The following PRKAG2 variants were observed in gnomAD, a reference collection of about 807,000 sequenced individuals.
The protein encoded by PRKAG2 is 5'-AMP-activated protein kinase subunit gamma-2.
PRKAG2 carries 26 observed loss-of-function variants against 69.6 expected under a neutral mutation model. That is an observed-to-expected ratio of 0.37 (90% CI 0.27 to 0.52). The LOEUF is 0.52. Ranked by LOEUF, PRKAG2 falls within the 20% of genes least tolerant of loss-of-function variation. The probability of loss-of-function intolerance (pLI) is 0.90; values close to 1 mark genes in which losing one functional copy is unlikely to be tolerated. For missense variants in PRKAG2, 557 were observed against 740.0 expected, an observed-to-expected ratio of 0.75 and a Z score of 2.87; for synonymous variants, 293 against 285.0, an observed-to-expected ratio of 1.03 and a Z score of -0.28.
At chr7:151,862,895 G>A (rs2079968490) in intron 1 of PRKAG2, among the ~76,000 whole-genome samples, 1 of 151,482 alleles carries the variant, frequency 6.6e-6, no homozygotes, top group South Asian at 2.1e-4. Context: ...GGTGCAGGGA[G>A]CACTGGTAGA....
At chr7:151,648,217 T>A (rs901415983) in intron 4 of PRKAG2, among the ~76,000 whole-genome samples, 1 of 152,180 alleles carries the variant, frequency 6.6e-6, no homozygotes, top group African/African-American at 2.4e-5. Flanking sequence ...CATTCTATCA[T>A]ATCCCCATAC....
At chr7:151,726,371 G>GACACACACACACACACACAC (rs60238080) in intron 3 of PRKAG2, among the ~76,000 whole-genome samples, 2 of 148,284 alleles carry the variant, frequency 1.3e-5, no homozygotes, top group African/African-American at 5.0e-5. Flanking sequence ...AGGGAGGCAG[G>GACACACACACACACACACAC]ACACACACAC....
chr7:151,814,933 A>G lies in PRKAG2; in HGVS notation c.115-28392T>C, dbSNP rs1052502595. On this transcript the variant is annotated intron_variant, in intron 1 of 15. Transcript: ENST00000287878. This position sits in a 1 kb window ranked among gnomAD's most constrained non-coding sequence, Gnocchi z 4.8. ...GACCGGAGCTTTTAAAAAGACAGGC[A>G]GCAGGATGGAGGGAGGCAGGAGCAG... 2 of 1,167,896 alleles carry G rather than the reference A, an allele frequency of 1.7e-6. No individual in the cohort carries two copies. Among genetic ancestry groups the G allele is most frequent in the African/African-American group, 3.2e-5 (2 of 63,134 alleles). The allele number at this position is 1,167,896 out of a possible 1,614,324, so 72.3% of individuals were successfully genotyped here.
At chr7:151,648,236 C>T (rs1456115690) in intron 4 of PRKAG2, among the ~76,000 whole-genome samples, 1 of 152,156 alleles carries the variant, frequency 6.6e-6, no homozygotes, top group Non-Finnish European at 1.5e-5. Context: ...ACAACCTACA[C>T]AGTTATTTAA....
chr7:151,616,121 T>C (rs1820077670), intron 5 of PRKAG2, among the ~76,000 whole-genome samples: 1 of 152,072 alleles, frequency 6.6e-6, no homozygotes, highest in Non-Finnish European at 1.5e-5. Context: ...CTGTGGGTGG[T>C]GGGGGCGTGA....
At chr7:151,698,592 C>G (rs559001214) in intron 3 of PRKAG2, among the ~76,000 whole-genome samples, 146 of 152,232 alleles carry the variant, frequency 9.6e-4, no homozygotes, top group African/African-American at 3.4e-3. Flanking sequence ...CACCATGTGA[C>G]ACCTCAGCTC....
At chr7:151,559,424 G>C in intron 15 of PRKAG2, 1 of 985,382 alleles carries the variant, frequency 1.0e-6, no homozygotes, top group Non-Finnish European at 1.2e-6. Flanking sequence ...GACTGCACCA[G>C]GCCCCATTTC....
intron 3 of PRKAG2, among the ~76,000 whole-genome samples, chr7:151,685,895 A>G (rs186589220): frequency 4.7e-4 from 72 of 152,354 alleles, no homozygotes; most frequent in African/African-American, 1.7e-3. Flanking sequence ...AAAACAAAAC[A>G]AAAAATAAGT....
chr7:151,791,107 G>C (rs2077256154), intron 1 of PRKAG2, among the ~76,000 whole-genome samples: 1 of 152,186 alleles, frequency 6.6e-6, no homozygotes, highest in African/African-American at 2.4e-5. Flanking sequence ...CAACAGGGAA[G>C]TCCCCTGGCA....
chr7:151,875,580 T>G lies in PRKAG2; in HGVS notation c.114+927A>C, dbSNP rs879392330. The stretch of plus-strand genomic sequence containing the variant: ...GCACTCTGGTGTGTGTGTGTGTGTG[T>G]GTGTGTGTGTGTGTGTGTGTGTGTG... On this transcript the variant is annotated intron_variant, in intron 1 of 15. Transcript: ENST00000287878. Among the ~76,000 whole-genome samples the G allele has an allele frequency of 2.9e-3, 297 of 101,204 alleles. 1 individual carries two copies. Among genetic ancestry groups the G allele is most frequent in the Non-Finnish European group, 5.1e-3 (231 of 45,598 alleles). 66.4% of individuals were successfully genotyped at this position (101,204 alleles called of 152,430 possible).
chr7:151,800,525 G>C (rs545592840), intron 1 of PRKAG2, among the ~76,000 whole-genome samples: 2 of 151,990 alleles, frequency 1.3e-5, no homozygotes, highest in African/African-American at 4.8e-5. Context: ...CTCCTCCTTC[G>C]AACACATCCA....
chr7:151,732,738 G>A (rs948146016), intron 3 of PRKAG2, among the ~76,000 whole-genome samples: 2 of 152,172 alleles, frequency 1.3e-5, no homozygotes, highest in African/African-American at 2.4e-5. Flanking sequence ...TGTCACCCAG[G>A]CTAGAGTGCA....
At chr7:151,855,304 CCA>C (rs1210634005) in intron 1 of PRKAG2, among the ~76,000 whole-genome samples, 4 of 22,100 alleles carry the variant, frequency 1.8e-4, no homozygotes, top group African/African-American at 4.7e-4. Context: ...ACACCACCCT[CCA>C]CACACACCAC....
rs1414338045 is a variant in PRKAG2 at position 151,756,517 on chromosome 7, TG to T, written c.466+24634del. Among the ~76,000 whole-genome samples, 1 of 152,216 alleles carries T rather than the reference TG, an allele frequency of 6.6e-6. No individual in the cohort carries two copies. Among genetic ancestry groups the T allele is most frequent in the East Asian group, 1.9e-4 (1 of 5,194 alleles). On this transcript the variant is annotated intron_variant, in intron 3 of 15. Transcript: ENST00000287878. This position sits in a 1 kb window ranked among gnomAD's most constrained non-coding sequence, Gnocchi z 4.9. ...GCTCAATCCTCACCCCTACTCTGCC[TG>T]GATGCAGGGGCTGACCTCTGACCCC...
rs184908255 is a variant in PRKAG2, at chr7:151,829,435, C to T, written c.115-42894G>A. Among the ~76,000 whole-genome samples the T allele has an allele frequency of 1.9e-4, 29 of 150,778 alleles. No individual in the cohort carries two copies. The East Asian group carries it at 5.2e-3, about 27-fold the overall frequency. ...GGGAATTGCTGGTGGGAATGTAAAA[C>T]GGTGCTGCCAGTTTGGAAAACTGCC... On this transcript the variant is annotated intron_variant, in intron 1 of 15. Coordinates refer to ENST00000287878, the MANE Select transcript of PRKAG2 (RefSeq NM_016203.4).
At chr7:151,856,473 C>T (rs986177576) in intron 1 of PRKAG2, among the ~76,000 whole-genome samples, 1 of 152,216 alleles carries the variant, frequency 6.6e-6, no homozygotes, top group Non-Finnish European at 1.5e-5. Flanking sequence ...GACGAAAAGA[C>T]GTCCTGCAGG....
At chr7:151,779,445 G>A (rs1423853781) in intron 3 of PRKAG2, among the ~76,000 whole-genome samples, 1 of 152,204 alleles carries the variant, frequency 6.6e-6, no homozygotes, top group Non-Finnish European at 1.5e-5. Flanking sequence ...AGGGCTCTGT[G>A]CAGGAGAATG....
intron 5 of PRKAG2, among the ~76,000 whole-genome samples, chr7:151,607,216 A>C (rs1817725230): frequency 6.6e-6 from 1 of 152,238 alleles, no homozygotes; most frequent in Non-Finnish European, 1.5e-5. Context: ...ATAAACACTA[A>C]ATTGAAATAT....
In PRKAG2 at chr7:151,786,487, T is replaced by C; in HGVS notation, c.169A>G (p.Lys57Glu). Residue 57 changes from lysine to glutamate, a missense_variant, in exon 2 of 16, where the codon AAG (lysine) becomes GAG (glutamate). Transcript: ENST00000287878. Reference protein sequence around the residue: ...LLDGDLEGSGKHSSRKVDSPF... With the variant: ...LLDGDLEGSGEHSSRKVDSPF... ...GGTCTTACCTTTCGAGAGGAATGCT[T>C]TCCGGAACCCTCCAGGTCTCCGTCC... 1 of 1,612,682 alleles carries C rather than the reference T, an allele frequency of 6.2e-7. No individual in the cohort carries two copies. The highest frequency in any genetic ancestry group is 1.1e-5 in the South Asian group (1 of 90,418).
Sources: allele counts gnomAD v4.1 joint callset (sites outside exome capture counted in the v4.1 genomes callset), GRCh38; gene constraint gnomAD v4.1.1; non-coding constraint Gnocchi (gnomAD v3.1); transcripts MANE v1.5; gene names NCBI Gene and HGNC (gene_info 2026-07-23, HGNC 2026-07-21).